The following OTUD7A variants were observed in gnomAD, a reference collection of about 807,000 sequenced individuals.
OTUD7A encodes the protein OTU domain-containing protein 7A.
In OTUD7A, 12 loss-of-function variants were observed where a neutral mutation model predicts 65.7. That is an observed-to-expected ratio of 0.18 (90% CI 0.12 to 0.30). OTUD7A has a LOEUF of 0.30. Among genes scored for constraint, OTUD7A ranks in the 10% least tolerant of loss-of-function variants. OTUD7A has a pLI of 1.00. For missense variants in OTUD7A, 1,148 were observed against 1,304.8 expected (o/e 0.88, Z 1.85); for synonymous variants, 641 against 586.3 (o/e 1.09, Z -1.35).
intron 1 of OTUD7A, among the ~76,000 whole-genome samples, chr15:31,731,845 G>T (rs961540395): frequency 3.9e-5 from 6 of 152,050 alleles, no homozygotes; most frequent in Non-Finnish European, 8.8e-5. Context: ...TCTCAATTTT[G>T]CTGTGAACCT....
At chr15:31,840,481 C>T (rs1453913786) in intron 1 of OTUD7A, among the ~76,000 whole-genome samples, 1 of 152,002 alleles carries the variant, frequency 6.6e-6, no homozygotes, top group Non-Finnish European at 1.5e-5. Context: ...AAAATTGAAG[C>T]TTAAAGCTCA....
At chr15:31,841,842 T>A (rs1217693613) in intron 1 of OTUD7A, among the ~76,000 whole-genome samples, 1 of 152,194 alleles carries the variant, frequency 6.6e-6, no homozygotes, top group Non-Finnish European at 1.5e-5. Context: ...ATATGTCCTA[T>A]GCTGAAGACC....
At chr15:31,671,534 C>T (rs757188584) in intron 1 of OTUD7A, among the ~76,000 whole-genome samples, 1 of 152,174 alleles carries the variant, frequency 6.6e-6, no homozygotes, top group Non-Finnish European at 1.5e-5. Flanking sequence ...ACCTCTTCTA[C>T]TGAGTGGTTT....
At chr15:31,778,740 TCACA>T (rs750221714) in intron 1 of OTUD7A, among the ~76,000 whole-genome samples, 2 of 150,418 alleles carry the variant, frequency 1.3e-5, no homozygotes, top group South Asian at 2.1e-4. Context: ...TCTCTCTCTC[TCACA>T]CACACACACA....
intron 1 of OTUD7A, among the ~76,000 whole-genome samples, chr15:31,867,907 G>T (rs987280249): frequency 4.6e-5 from 7 of 151,940 alleles, no homozygotes; most frequent in Non-Finnish European, 8.8e-5. Context: ...GGGAGCGGAG[G>T]GGGAGGGGCG....
At chr15:31,635,914 C>A (rs1394758094) in intron 3 of OTUD7A, among the ~76,000 whole-genome samples, 1 of 152,244 alleles carries the variant, frequency 6.6e-6, no homozygotes, top group African/African-American at 2.4e-5. Context: ...GCCAGCTGGT[C>A]TCCGGCAGCA....
intron 1 of OTUD7A, among the ~76,000 whole-genome samples, chr15:31,658,659 A>G (rs2141281661): frequency 6.6e-6 from 1 of 152,280 alleles, no homozygotes; most frequent in South Asian, 2.1e-4. Flanking sequence ...AAGTGGTCCA[A>G]CCAGAGAGAG....
intron 3 of OTUD7A, among the ~76,000 whole-genome samples, chr15:31,644,731 G>A (rs1384499776): frequency 3.9e-5 from 6 of 152,140 alleles, no homozygotes; most frequent in Non-Finnish European, 1.5e-5. Context: ...CTCCTGGCTT[G>A]GCCTCCCAAA....
At chr15:31,493,984 G>A (rs1369054311) in intron 10 of OTUD7A, among the ~76,000 whole-genome samples, 2 of 152,234 alleles carry the variant, frequency 1.3e-5, no homozygotes, top group Non-Finnish European at 1.5e-5. Flanking sequence ...AAGCAGAGAG[G>A]GAGGAGGGAA....
rs993858028 is a variant in OTUD7A, at chr15:31,852,189, G to A, written c.-100+18318C>T. ...CCTTTTAACGCAAGGTAGACTTTTT[G>A]CCAGCAATTGAAGACAGTAAGTGTG... On this transcript the variant is annotated intron_variant, in intron 1 of 12. Transcript: ENST00000307050. Among the ~76,000 whole-genome samples, 4 of 152,150 alleles carry A rather than the reference G, an allele frequency of 2.6e-5. No homozygotes were observed. In the East Asian group the frequency reaches 7.7e-4, roughly 29 times the overall value.
chr15:31,547,184 GA>G (rs1348294144), intron 5 of OTUD7A, among the ~76,000 whole-genome samples: 1 of 118,456 alleles, frequency 8.4e-6, no homozygotes, highest in Non-Finnish European at 2.0e-5. Context: ...AATGTCTTCA[GA>G]AAACCCCAAT....
intron 1 of OTUD7A, among the ~76,000 whole-genome samples, chr15:31,736,824 T>C (rs1209153040): frequency 6.6e-6 from 1 of 152,102 alleles, no homozygotes; most frequent in Non-Finnish European, 1.5e-5. Flanking sequence ...AGACCTTCTT[T>C]TTTTTGGGGG....
intron 8 of OTUD7A, among the ~76,000 whole-genome samples, chr15:31,525,224 G>C (rs1418981747): frequency 2.0e-5 from 3 of 152,220 alleles, no homozygotes; most frequent in African/African-American, 7.2e-5. Context: ...CAGGACTCGG[G>C]AGGCGTGCAG....
intron 3 of OTUD7A, among the ~76,000 whole-genome samples, chr15:31,632,136 G>C (rs1182964883): frequency 3.3e-5 from 5 of 152,166 alleles, no homozygotes; most frequent in Non-Finnish European, 7.3e-5. Context: ...TGGTGAGAAG[G>C]TGCGTTCCTT....
chr15:31,503,749 T>C lies in OTUD7A; in HGVS notation c.963A>G (p.Ile321Met). 1 of 1,614,170 alleles carries C rather than the reference T, an allele frequency of 6.2e-7. No homozygotes were observed. Among genetic ancestry groups the C allele is most frequent in the Non-Finnish European group, 8.5e-7 (1 of 1,180,012 alleles). ...EEFHVFVLAH[I>M]LRRPIVVVAD... ...CCACAACAACGATGGGCCTTCTTAATATATGGGCTAGGACAAAAACGTGGA... is the reference window on the plus strand; with the variant it reads ...CCACAACAACGATGGGCCTTCTTAACATATGGGCTAGGACAAAAACGTGGA... Residue 321 changes from isoleucine to methionine, a missense_variant, in exon 9 of 13, where the codon ATA becomes ATG. Coordinates refer to ENST00000307050, the MANE Select transcript of OTUD7A (RefSeq NM_001382637.1).
chr15:31,694,686 G>A (rs1440166710), intron 1 of OTUD7A, among the ~76,000 whole-genome samples: 1 of 151,932 alleles, frequency 6.6e-6, no homozygotes, highest in Non-Finnish European at 1.5e-5. Flanking sequence ...CACCTTTTTC[G>A]GATTCCACAC....
In OTUD7A at chr15:31,483,683, G is replaced by C; in HGVS notation, c.2413C>G (p.Pro805Ala). The change falls in exon 13 of 13, where the codon CCG (proline) becomes GCG (alanine). Residue 805 changes from proline to alanine, a missense_variant. Physicochemically the swap from Pro to Ala is conservative, Grantham distance 27. Transcript: ENST00000307050. ...GACGACAGCGAGCGGTTCTGCTGCG[G>C]GTACGTGGCGCACGGCCGCAGCGCC... ...VGALRPCATY[P>A]QQNRSLSSQS... The C allele has an allele frequency of 8.6e-7, 1 of 1,163,016 alleles. No individual in the cohort carries two copies. 72.0% of individuals were successfully genotyped at this position (1,163,016 alleles called of 1,614,324 possible). A position where few individuals can be genotyped will look rare whatever the true frequency, so the allele number is the denominator to read the frequency against.
Position 31,569,234 on chromosome 15 carries a change from T to C in OTUD7A, c.331+784A>G, listed in dbSNP as rs74012531. ...GCACCAGTATGTAAGATTAGAGGTA[T>C]AAAGATGTTTCTTTCAGCATTGCTT... On this transcript the variant is annotated intron_variant, in intron 4 of 12. Transcript: ENST00000307050. Among the ~76,000 whole-genome samples the C allele has an allele frequency of 5.4e-3, 828 of 152,332 alleles. 5 individuals carry two copies. The highest frequency in any genetic ancestry group is 0.019 in the African/African-American group (794 of 41,576).
intron 8 of OTUD7A, among the ~76,000 whole-genome samples, chr15:31,519,366 A>G (rs549439683): frequency 2.0e-5 from 3 of 152,358 alleles, no homozygotes; most frequent in African/African-American, 2.4e-5. Flanking sequence ...CCACCTGATT[A>G]TGGTGTATTA....
Sources: allele counts gnomAD v4.1 joint callset (sites outside exome capture counted in the v4.1 genomes callset), GRCh38; gene constraint gnomAD v4.1.1; transcripts MANE v1.5; gene names NCBI Gene and HGNC (gene_info 2026-07-23, HGNC 2026-07-21).